The following CSMD2 variants were observed in gnomAD, a reference collection of about 807,000 sequenced individuals.
CSMD2 encodes CUB and Sushi multiple domains 2, also known as CUB and sushi domain-containing protein 2.
Under a neutral mutation model 398.5 loss-of-function variants are expected in CSMD2, and 130 were observed. That is an observed-to-expected ratio of 0.33 (90% CI 0.28 to 0.38). CSMD2 has a LOEUF of 0.38. Among genes scored for constraint, CSMD2 ranks in the 10% least tolerant of loss-of-function variants. The probability of loss-of-function intolerance (pLI) is 1.00; values close to 1 mark genes in which losing one functional copy is unlikely to be tolerated. For synonymous variants in CSMD2, 1,828 were observed against 1,908.5 expected (o/e 0.96, Z 1.10); for missense variants, 3,829 against 4,764.9 (o/e 0.80, Z 5.78).
intron 3 of CSMD2, among the ~76,000 whole-genome samples, chr1:34,013,292 G>A (rs1647620643): frequency 6.6e-6 from 1 of 152,190 alleles, no homozygotes; most frequent in Admixed American, 6.5e-5. Context: ...TGCCATGGGC[G>A]AGCCTTTGTC....
intron 1 of CSMD2, among the ~76,000 whole-genome samples, chr1:34,143,304 G>C (rs1028498475): frequency 6.6e-6 from 1 of 152,016 alleles, no homozygotes; most frequent in African/African-American, 2.4e-5. Context: ...GCTTTACCAG[G>C]TGAAAAACTT....
intron 41 of CSMD2, among the ~76,000 whole-genome samples, chr1:33,610,578 G>A (rs1024665021): frequency 2.0e-5 from 3 of 152,206 alleles, no homozygotes; most frequent in African/African-American, 7.2e-5. Flanking sequence ...AGGAAAACCT[G>A]CTCCTTGTGC....
chr1:33,709,484 T>C, intron 21 of CSMD2: 1 of 536,828 alleles, frequency 1.9e-6, no homozygotes, highest in Non-Finnish European at 3.3e-6. Flanking sequence ...TTCTGTCTCT[T>C]GTGCTGTTTG....
In CSMD2 at chr1:33,567,832, G is replaced by C; in HGVS notation, c.8141C>G (p.Thr2714Ser). The change falls in exon 53 of 71, where the codon ACC becomes AGC. Residue 2714 changes from threonine (T) to serine (S), a missense_variant. Around this residue, in one of 5 missense-constraint regions of CSMD2, gnomAD observed 723 missense variants for 758.6 expected, o/e 0.95. Transcript: ENST00000373381. The part of the protein sequence containing the change: ...GSEVRCLATQ[T>S]KLHSIFYKLL... ...CTTATAGAAAATGGAGTGGAGCTTG[G>C]TCTGAGTGGCTAGAGACAGGGATGG... is the stretch of plus-strand genomic sequence containing the variant. 1 of 1,581,288 alleles carries C rather than the reference G, an allele frequency of 6.3e-7. No individual in the cohort carries two copies. Among genetic ancestry groups the C allele is most frequent in the Non-Finnish European group, 8.6e-7 (1 of 1,163,038 alleles).
intron 40 of CSMD2, among the ~76,000 whole-genome samples, chr1:33,613,664 G>A (rs1420817690): frequency 6.6e-6 from 1 of 152,124 alleles, no homozygotes; most frequent in Non-Finnish European, 1.5e-5. Flanking sequence ...CTTCATTTCT[G>A]AGGCTCACAG....
chr1:34,002,124 A>T (rs1646924061), intron 3 of CSMD2, among the ~76,000 whole-genome samples: 1 of 152,188 alleles, frequency 6.6e-6, no homozygotes, highest in African/African-American at 2.4e-5. Flanking sequence ...TTTTCTTGAA[A>T]AATCTGTCTT....
At chr1:33,750,833 A>G (rs1387044086) in intron 13 of CSMD2, among the ~76,000 whole-genome samples, 2 of 152,190 alleles carry the variant, frequency 1.3e-5, no homozygotes, top group African/African-American at 4.8e-5. Context: ...AAGAAAATAT[A>G]AGGAATATTT....
At chr1:33,802,971 C>T (rs1433517975) in intron 10 of CSMD2, among the ~76,000 whole-genome samples, 2 of 152,176 alleles carry the variant, frequency 1.3e-5, no homozygotes, top group East Asian at 3.9e-4. Context: ...ACAGCCTCAC[C>T]TCCCATCCAT....
At chr1:33,659,367 G>T (rs1358271107) in intron 26 of CSMD2, among the ~76,000 whole-genome samples, 2 of 152,178 alleles carry the variant, frequency 1.3e-5, no homozygotes, top group East Asian at 3.9e-4. Flanking sequence ...CCACAGCCCA[G>T]AGCTGACAGC....
chr1:33,517,401 C>T (rs1269122293), intron 70 of CSMD2, among the ~76,000 whole-genome samples: 1 of 152,210 alleles, frequency 6.6e-6, no homozygotes, highest in Non-Finnish European at 1.5e-5. Flanking sequence ...TGGAACCCAG[C>T]AGAACCCAGG....
At chr1:33,919,031 G>A (rs7517102) in intron 4 of CSMD2, among the ~76,000 whole-genome samples, 28,339 of 152,112 alleles carry the variant, frequency 0.19, 2,826 homozygotes, top group South Asian at 0.23. Context: ...AAAGAACACT[G>A]GCTATGGTAT....
intron 5 of CSMD2, among the ~76,000 whole-genome samples, chr1:33,850,978 C>T (rs922091966): frequency 1.3e-5 from 2 of 152,192 alleles, no homozygotes; most frequent in African/African-American, 2.4e-5. Flanking sequence ...CTCATGCAGT[C>T]GGGATGTTGG....
chr1:34,089,305 C>T (rs1441516664), intron 1 of CSMD2, 112 bp from the exon 2 acceptor site: 1 of 1,023,164 alleles, frequency 9.8e-7, no homozygotes, highest in Non-Finnish European at 1.5e-6. Context: ...CAAGTGCTTC[C>T]CATGAGCCAG....
chr1:34,040,293 T>C (rs1171399674), intron 2 of CSMD2, among the ~76,000 whole-genome samples: 2 of 152,160 alleles, frequency 1.3e-5, no homozygotes, highest in Non-Finnish European at 2.9e-5. Flanking sequence ...CCGGGAGAGC[T>C]CTTTGCTATT....
intron 3 of CSMD2, among the ~76,000 whole-genome samples, chr1:34,014,625 C>G (rs1483828308): frequency 2.6e-5 from 4 of 152,244 alleles, no homozygotes; most frequent in Admixed American, 2.6e-4. Context: ...GCTCAGCTCT[C>G]CAGCAGTTGT....
chr1:34,127,254 A>G (rs1446103981), intron 1 of CSMD2, among the ~76,000 whole-genome samples: 1 of 152,210 alleles, frequency 6.6e-6, no homozygotes, highest in Admixed American at 6.5e-5. Flanking sequence ...TATTTGAGGA[A>G]CTTAGCTTTA....
intron 1 of CSMD2, among the ~76,000 whole-genome samples, chr1:34,107,401 A>G (rs1237925934): frequency 6.6e-6 from 1 of 152,152 alleles, no homozygotes; most frequent in African/African-American, 2.4e-5. Context: ...TGTGCCAAGT[A>G]CTGTCCTACG....
chr1:34,021,541 G>T (rs1324133764), intron 3 of CSMD2, among the ~76,000 whole-genome samples: 2 of 152,198 alleles, frequency 1.3e-5, no homozygotes, highest in African/African-American at 4.8e-5. Context: ...CATGTTTGGG[G>T]GTCTCTGGGC....
At chr1:33,807,985 A>G (rs1183664188) in intron 10 of CSMD2, among the ~76,000 whole-genome samples, 1 of 152,146 alleles carries the variant, frequency 6.6e-6, no homozygotes, top group Non-Finnish European at 1.5e-5. Context: ...ATGGAGGGAA[A>G]AAGCCTTTAA....
Sources: gnomAD v4.1 joint callset for allele counts (sites outside exome capture counted in the v4.1 genomes callset) on GRCh38, gnomAD v4.1.1 for gene constraint, gnomAD v4.1.1 regional missense constraint, MANE v1.5 for transcripts, NCBI Gene and HGNC (gene_info 2026-07-23, HGNC 2026-07-21) for gene names.